GALNT13: variants seen among roughly 807,000 people sequenced by gnomAD.
The protein encoded by GALNT13 is polypeptide N-acetylgalactosaminyltransferase 13, also known as UDP-GalNAc:polypeptide N-acetylgalactosaminyltransferase 13.
Under a neutral mutation model 64.2 loss-of-function variants are expected in GALNT13, and 28 were observed. That is an observed-to-expected ratio of 0.44 (90% CI 0.32 to 0.60). The LOEUF (loss-of-function observed/expected upper bound fraction) is 0.60, where lower values mean the gene tolerates loss of function less well. Ranked by LOEUF, GALNT13 falls within the 20% of genes least tolerant of loss-of-function variation. The pLI, the probability that GALNT13 is intolerant of heterozygous loss-of-function variation, is 0.05. For missense variants in GALNT13, 577 were observed against 669.8 expected, an observed-to-expected ratio of 0.86 and a Z score of 1.53; for synonymous variants, 214 against 224.6, an observed-to-expected ratio of 0.95 and a Z score of 0.42.
the GALNT13 span, among the ~76,000 whole-genome samples, chr2:153,356,789 CTT>C: frequency 0.039 from 4,052 of 104,792 alleles, 737 homozygotes; most frequent in African/African-American, 0.1. Context: ...TCTTCTTCCT[CTT>C]TTTTTTTTTT....
At chr2:153,533,649 C>T in the GALNT13 span, among the ~76,000 whole-genome samples, 1 of 145,564 alleles carries the variant, frequency 6.9e-6, no homozygotes, top group East Asian at 2.0e-4. Flanking sequence ...CTCTCTTTTT[C>T]TTCTGCTATT....
At chr2:154,413,602 C>G (rs946649973) in intron 11 of GALNT13, among the ~76,000 whole-genome samples, 6 of 151,970 alleles carry the variant, frequency 3.9e-5, no homozygotes, top group Non-Finnish European at 5.9e-5. Flanking sequence ...CTCCTGTGCT[C>G]TAGACATACG....
the GALNT13 span, among the ~76,000 whole-genome samples, chr2:153,122,052 G>A: frequency 9.2e-5 from 14 of 152,118 alleles, no homozygotes; most frequent in African/African-American, 2.9e-4. Context: ...TGTGTATAGT[G>A]TTTCACTCAG....
the GALNT13 span, among the ~76,000 whole-genome samples, chr2:153,854,509 A>T: frequency 3.6e-4 from 54 of 152,112 alleles, no homozygotes; most frequent in Non-Finnish European, 1.5e-5. Flanking sequence ...TGAACCCGGG[A>T]GGTGGAGGTT....
the GALNT13 span, among the ~76,000 whole-genome samples, chr2:153,456,324 C>G: frequency 1.3e-5 from 2 of 152,140 alleles, no homozygotes; most frequent in Non-Finnish European, 2.9e-5. Context: ...CATCAAAATG[C>G]TGGTCCCTTT....
chr2:154,197,212 A>G (rs1047472458), intron 4 of GALNT13, among the ~76,000 whole-genome samples: 2 of 152,108 alleles, frequency 1.3e-5, no homozygotes, highest in African/African-American at 4.8e-5. Context: ...GTGAAACTCC[A>G]TCTCAAAAGA....
Position 153,914,907 on chromosome 2 carries a change from G to C in GALNT13, c.-105+13900G>C, listed in dbSNP as rs117154216. ...TGCATACTAATATACTACTCCTGGTGGGGGACAGGAGGGTGCCTGGATCCT... is the reference window on the plus strand; with the variant it reads ...TGCATACTAATATACTACTCCTGGTCGGGGACAGGAGGGTGCCTGGATCCT... On this transcript the variant is annotated intron_variant, in intron 2 of 12. Transcript: ENST00000392825. Among the ~76,000 whole-genome samples, 637 of 152,164 alleles carry C rather than the reference G, an allele frequency of 4.2e-3. 11 individuals carry two copies. Among genetic ancestry groups the C allele is most frequent in the East Asian group, 0.011 (56 of 5,162 alleles).
At chr2:153,647,311 AT>A in the GALNT13 span, among the ~76,000 whole-genome samples, 2 of 151,386 alleles carry the variant, frequency 1.3e-5, no homozygotes, top group African/African-American at 4.9e-5. Flanking sequence ...TGATGGGGTT[AT>A]TTGTTTTTTT....
chr2:153,755,043 C>T, the GALNT13 span, among the ~76,000 whole-genome samples: 8 of 152,270 alleles, frequency 5.3e-5, no homozygotes, highest in African/African-American at 1.9e-4. Flanking sequence ...ACACTCCACA[C>T]CACACTGCTG....
chr2:153,742,718 G>A, the GALNT13 span, among the ~76,000 whole-genome samples: 2 of 152,006 alleles, frequency 1.3e-5, no homozygotes, highest in South Asian at 4.1e-4. Context: ...AATGGCTCCA[G>A]CTCCTCCCAT....
At chr2:154,310,280 A>AT (rs1272370543) in intron 9 of GALNT13, among the ~76,000 whole-genome samples, 1 of 151,928 alleles carries the variant, frequency 6.6e-6, no homozygotes, top group African/African-American at 2.4e-5. Context: ...TTTTTGTTTG[A>AT]TTTTGTCTTT....
chr2:153,349,471 A>G, the GALNT13 span, among the ~76,000 whole-genome samples: 1 of 152,204 alleles, frequency 6.6e-6, no homozygotes, highest in Admixed American at 6.5e-5. Flanking sequence ...TTCAATAGAC[A>G]AAGTATTCAA....
At chr2:154,332,658 C>T (rs911669293) in intron 9 of GALNT13, among the ~76,000 whole-genome samples, 17 of 152,026 alleles carry the variant, frequency 1.1e-4, no homozygotes, top group Admixed American at 7.9e-4. Flanking sequence ...ATCTGTCTTC[C>T]GGCTATGTGA....
At chr2:154,256,573 T>G (rs138670506) in intron 7 of GALNT13, among the ~76,000 whole-genome samples, 1 of 152,158 alleles carries the variant, frequency 6.6e-6, no homozygotes, top group East Asian at 1.9e-4. Context: ...TGAGGGTATA[T>G]AGAGAGAGAG....
chr2:154,033,419 A>G (rs1445428662), intron 3 of GALNT13, among the ~76,000 whole-genome samples: 1 of 152,108 alleles, frequency 6.6e-6, no homozygotes, highest in Non-Finnish European at 1.5e-5. Context: ...CAATTAATTG[A>G]CAAAGGATTT....
At chr2:153,557,271 C>T in the GALNT13 span, among the ~76,000 whole-genome samples, 1 of 152,178 alleles carries the variant, frequency 6.6e-6, no homozygotes, top group African/African-American at 2.4e-5. Flanking sequence ...GCAGGCCATA[C>T]CATAAAGCCT....
chr2:153,287,983 A>G, the GALNT13 span, among the ~76,000 whole-genome samples: 4 of 152,118 alleles, frequency 2.6e-5, no homozygotes, highest in South Asian at 8.3e-4. Context: ...CTCTCCTCAA[A>G]TTGTCAGATA....
chr2:154,405,853 A>G (rs1164457306), intron 10 of GALNT13, among the ~76,000 whole-genome samples: 1 of 152,156 alleles, frequency 6.6e-6, no homozygotes, highest in East Asian at 1.9e-4. Context: ...AAATCTCCCA[A>G]ACTTAAAAGA....
At chr2:153,263,990 TATC>T in the GALNT13 span, among the ~76,000 whole-genome samples, 2 of 152,172 alleles carry the variant, frequency 1.3e-5, no homozygotes, top group Non-Finnish European at 2.9e-5. Context: ...AAAACAAAGC[TATC>T]ATCATAGTGA....
Sources: gnomAD v4.1 joint callset for allele counts (sites outside exome capture counted in the v4.1 genomes callset) on GRCh38, gnomAD v4.1.1 for gene constraint, MANE v1.5 for transcripts, NCBI Gene and HGNC (gene_info 2026-07-23, HGNC 2026-07-21) for gene names.